Variants in GPC5 observed in about 807,000 individuals in gnomAD.
The protein encoded by GPC5 is glypican-5.
Under a neutral mutation model 53.9 loss-of-function variants are expected in GPC5, and 47 were observed. That is an observed-to-expected ratio of 0.87 (90% CI 0.69 to 1.11). The LOEUF (loss-of-function observed/expected upper bound fraction) is 1.11, where lower values mean the gene tolerates loss of function less well. GPC5 is among the 50% of genes most tolerant of loss of function. The probability of loss-of-function intolerance (pLI) is 0.00; values close to 1 mark genes in which losing one functional copy is unlikely to be tolerated. For missense variants in GPC5, 748 were observed against 713.1 expected, an observed-to-expected ratio of 1.05 and a Z score of -0.56; for synonymous variants, 286 against 263.3, an observed-to-expected ratio of 1.09 and a Z score of -0.84.
At chr13:91,626,162 G>C (rs1418653448) in intron 2 of GPC5, among the ~76,000 whole-genome samples, 1 of 152,084 alleles carries the variant, frequency 6.6e-6, no homozygotes, top group African/African-American at 2.4e-5. Context: ...ACTCTAACTT[G>C]TCTTTGTGAA....
intron 7 of GPC5, among the ~76,000 whole-genome samples, chr13:92,669,045 A>C (rs146919452): frequency 0.015 from 2,275 of 152,224 alleles, 72 homozygotes; most frequent in African/African-American, 0.051. Context: ...CAGAAAAATA[A>C]TACTACTATA....
intron 7 of GPC5, among the ~76,000 whole-genome samples, chr13:92,221,644 A>G (rs990930673): frequency 6.6e-6 from 1 of 152,122 alleles, no homozygotes; most frequent in African/African-American, 2.4e-5. Context: ...CTGTCCACAA[A>G]TGATACCCCA....
chr13:91,438,388 C>T (rs1191381886), intron 1 of GPC5, among the ~76,000 whole-genome samples: 1 of 152,146 alleles, frequency 6.6e-6, no homozygotes, highest in Non-Finnish European at 1.5e-5. Flanking sequence ...CAGTCAGGAC[C>T]CTCAGCTGCA....
chr13:92,130,389 G>C (rs1396655369), intron 6 of GPC5, among the ~76,000 whole-genome samples: 1 of 150,400 alleles, frequency 6.6e-6, no homozygotes, highest in Non-Finnish European at 1.5e-5. Context: ...CTAAAAATCT[G>C]AGTAAGTTCT....
chr13:92,767,450 G>A lies in GPC5; in HGVS notation c.1562-98832G>A, dbSNP rs546642872. On this transcript the variant is annotated intron_variant, in intron 7 of 7. Transcript: ENST00000377067. Reference sequence around the variant, plus strand: ...CGCGCCACCACACTTCAGCCTGGGCGACATAGCAAGACTGTCCAAAAAAAA... The same window carrying A: ...CGCGCCACCACACTTCAGCCTGGGCAACATAGCAAGACTGTCCAAAAAAAA... Among the ~76,000 whole-genome samples the A allele has an allele frequency of 1.9e-4, 29 of 152,224 alleles. No individual in the cohort carries two copies. The South Asian group carries it at 5.8e-3, about 30-fold the overall frequency.
chr13:92,480,320 G>A (rs9516079), intron 7 of GPC5, among the ~76,000 whole-genome samples: 21,216 of 152,076 alleles, frequency 0.14, 1,970 homozygotes, highest in Non-Finnish European at 0.21. Flanking sequence ...CTCACATAAA[G>A]TGCAGTATAA....
chr13:92,165,910 G>A lies in GPC5; in HGVS notation c.1561+20921G>A, dbSNP rs955105857. Among the ~76,000 whole-genome samples, 5 of 152,268 alleles carry A rather than the reference G, an allele frequency of 3.3e-5. 1 individual carries two copies. The highest frequency in any genetic ancestry group is 1.2e-4 in the African/African-American group (5 of 41,558). ...GAATTCTTTGCCCTGGGTTACATTAGTTTCAGTGAGCATGATGCAGAGCCA... is the reference window on the plus strand; with the variant it reads ...GAATTCTTTGCCCTGGGTTACATTAATTTCAGTGAGCATGATGCAGAGCCA... On this transcript the variant is annotated intron_variant, in intron 7 of 7. Coordinates refer to ENST00000377067, the MANE Select transcript of GPC5 (RefSeq NM_004466.6).
At chr13:92,774,907 A>AGTT (rs1436811683) in intron 7 of GPC5, among the ~76,000 whole-genome samples, 3 of 152,194 alleles carry the variant, frequency 2.0e-5, no homozygotes, top group Non-Finnish European at 4.4e-5. Flanking sequence ...AAAAGATTAA[A>AGTT]GTTGTCTCCT....
chr13:92,046,572 G>T (rs1346613923), intron 6 of GPC5, among the ~76,000 whole-genome samples: 2 of 152,110 alleles, frequency 1.3e-5, no homozygotes, highest in Non-Finnish European at 2.9e-5. Flanking sequence ...CGATTTCCAG[G>T]AAGAAAACTC....
At chr13:92,197,119 C>T (rs1338549385) in intron 7 of GPC5, among the ~76,000 whole-genome samples, 1 of 152,130 alleles carries the variant, frequency 6.6e-6, no homozygotes, top group Admixed American at 6.5e-5. Flanking sequence ...CTCATTCAAG[C>T]ACCTCCCTTT....
At chr13:92,205,076 C>T (rs1180868938) in intron 7 of GPC5, among the ~76,000 whole-genome samples, 1 of 152,114 alleles carries the variant, frequency 6.6e-6, no homozygotes, top group African/African-American at 2.4e-5. Context: ...GAAGGGGTTT[C>T]ACCATGTTAG....
At chr13:91,938,921 T>C (rs760694357) in intron 6 of GPC5, among the ~76,000 whole-genome samples, 6 of 152,130 alleles carry the variant, frequency 3.9e-5, no homozygotes, top group Non-Finnish European at 7.4e-5. Flanking sequence ...AGAATATCTT[T>C]ATACTGAGTT....
intron 7 of GPC5, among the ~76,000 whole-genome samples, chr13:92,704,896 T>TATAC (rs5805757): frequency 2.7e-5 from 4 of 150,934 alleles, no homozygotes; most frequent in African/African-American, 9.8e-5. Context: ...TGTATATATA[T>TATAC]GAGTATATAT....
In GPC5 at chr13:91,893,400, A is replaced by G. The variant is rs112468870; in HGVS notation, c.1281-14537A>G. Among the ~76,000 whole-genome samples, 1,100 of 152,176 alleles carry G rather than the reference A, an allele frequency of 7.2e-3. 11 individuals carry two copies. The highest frequency in any genetic ancestry group is 0.025 in the African/African-American group (1,039 of 41,548). Reference sequence around the variant, plus strand: ...AAGGCATTTAGGTTTATCACTATATATTTTATATGAGCAGGCATCTGTCTA... The same window carrying G: ...AAGGCATTTAGGTTTATCACTATATGTTTTATATGAGCAGGCATCTGTCTA... On this transcript the variant is annotated intron_variant, in intron 5 of 7. Coordinates refer to ENST00000377067, the MANE Select transcript of GPC5 (RefSeq NM_004466.6).
rs954380878 is a variant in GPC5 at position 91,733,176 on chromosome 13, G to A, written c.1154+4511G>A. ...GTTTTTGAGACAGTCTCATTCTGTCGCCCAGGCTGGAGTACAGTGACACAG... is the reference window on the plus strand; with the variant it reads ...GTTTTTGAGACAGTCTCATTCTGTCACCCAGGCTGGAGTACAGTGACACAG... On this transcript the variant is annotated intron_variant, in intron 4 of 7. Transcript: ENST00000377067. Among the ~76,000 whole-genome samples, 8 of 151,814 alleles carry A rather than the reference G, an allele frequency of 5.3e-5. No homozygotes were observed. In the South Asian group the frequency reaches 6.2e-4, roughly 12 times the overall value.
At chr13:91,643,313 A>G (rs1424829833) in intron 2 of GPC5, among the ~76,000 whole-genome samples, 1 of 152,168 alleles carries the variant, frequency 6.6e-6, no homozygotes, top group East Asian at 1.9e-4. Context: ...GTTCTGTAAG[A>G]TAGAAGATGT....
In GPC5 at chr13:92,149,699, G is replaced by T. The variant is rs535381217; in HGVS notation, c.1561+4710G>T. ...ATGCAAGATTGTAGAGTGAGCAAAA[G>T]TTCTTGGCTTCCTCATATTTATTTT... On this transcript the variant is annotated intron_variant, in intron 7 of 7. Transcript: ENST00000377067. 1.1e-3 allele frequency among the ~76,000 whole-genome samples: 160 copies of T among 152,084 alleles called. 1 individual carries two copies. In the Middle Eastern group the frequency reaches 0.017, roughly 16 times the overall value.
chr13:91,842,928 G>T (rs115166365), intron 5 of GPC5, among the ~76,000 whole-genome samples: 2 of 151,952 alleles, frequency 1.3e-5, no homozygotes, highest in Non-Finnish European at 2.9e-5. Context: ...AATGAAAATA[G>T]TTTAACAATA....
At chr13:91,888,028 C>T (rs776971922) in intron 5 of GPC5, among the ~76,000 whole-genome samples, 8 of 152,080 alleles carry the variant, frequency 5.3e-5, no homozygotes, top group East Asian at 1.9e-4. Flanking sequence ...TTACTGTCTT[C>T]GTGCATTTTT....
Sources: allele counts gnomAD v4.1 joint callset (sites outside exome capture counted in the v4.1 genomes callset), GRCh38; gene constraint gnomAD v4.1.1; transcripts MANE v1.5; gene names NCBI Gene and HGNC (gene_info 2026-07-23, HGNC 2026-07-21).